Variants in FRMPD4 observed in about 807,000 individuals in gnomAD.
FRMPD4 encodes the protein FERM and PDZ domain containing 4.
A neutral mutation model predicts 94.1 loss-of-function variants in FRMPD4; 22 were observed. The observed-to-expected ratio is 0.23, with a 90% CI of 0.17 to 0.33. FRMPD4 has a LOEUF of 0.33. Ranked by LOEUF, FRMPD4 falls within the 10% of genes least tolerant of loss-of-function variation. The probability of loss-of-function intolerance (pLI) is 1.00; values close to 1 mark genes in which losing one functional copy is unlikely to be tolerated. For synonymous variants in FRMPD4, 631 were observed against 548.6 expected (o/e 1.15, Z -2.10); for missense variants, 1,111 against 1,339.9 (o/e 0.83, Z 2.67).
At chrX:12,685,732 C>T (rs1270346784) in intron 6 of FRMPD4, among the ~76,000 whole-genome samples, 1 of 112,159 alleles carries the variant, frequency 8.9e-6, no homozygotes, top group Non-Finnish European at 1.9e-5. Context: ...TAGGCAACAA[C>T]AGTACCTCAT....
At chrX:11,949,192 G>T (rs913172109) in intron 3 of FRMPD4, among the ~76,000 whole-genome samples, 1 of 111,938 alleles carries the variant, frequency 8.9e-6, no homozygotes, top group African/African-American at 3.2e-5. Context: ...TTAATGTGGC[G>T]AATGTAATGC....
At chrX:12,295,160 C>A (rs1289106191) in intron 1 of FRMPD4, among the ~76,000 whole-genome samples, 4 of 112,194 alleles carry the variant, frequency 3.6e-5, no homozygotes, top group Non-Finnish European at 1.9e-5. Context: ...TGAGACCTCT[C>A]AAGTCATCTG....
intron 1 of FRMPD4, among the ~76,000 whole-genome samples, chrX:12,241,628 A>C (rs926282970): frequency 1.8e-5 from 2 of 111,741 alleles, no homozygotes; most frequent in African/African-American, 6.5e-5. Context: ...GGCCTGGCAC[A>C]CTGGCTCACG....
intron 2 of FRMPD4, among the ~76,000 whole-genome samples, chrX:12,502,683 A>T (rs1157977842): frequency 8.9e-6 from 1 of 112,619 alleles, no homozygotes; most frequent in Non-Finnish European, 1.9e-5. Flanking sequence ...GTGGACATAC[A>T]TATAGATGAT....
chrX:11,876,381 G>A (rs1415478070), intron 2 of FRMPD4, among the ~76,000 whole-genome samples: 1 of 108,372 alleles, frequency 9.2e-6, no homozygotes, highest in African/African-American at 3.4e-5. Context: ...TGAATCTAAG[G>A]CTCTTTAGGA....
intron 2 of FRMPD4, among the ~76,000 whole-genome samples, chrX:12,583,859 G>T (rs1602165893): frequency 8.9e-6 from 1 of 111,851 alleles, no homozygotes; most frequent in African/African-American, 3.2e-5. Context: ...GGGAACAACC[G>T]GTGGGGCCTG....
At chrX:12,595,172 T>C (rs979750802) in intron 2 of FRMPD4, among the ~76,000 whole-genome samples, 2 of 111,339 alleles carry the variant, frequency 1.8e-5, no homozygotes, top group Non-Finnish European at 3.8e-5. Context: ...TTGAAGAGAA[T>C]TGAATGTCTT....
intron 3 of FRMPD4, among the ~76,000 whole-genome samples, chrX:11,910,983 C>G (rs2053994021): frequency 9.1e-6 from 1 of 110,028 alleles, no homozygotes; most frequent in Non-Finnish European, 1.9e-5. Context: ...GAGAGATTGT[C>G]TATTCTCCTT....
intron 3 of FRMPD4, among the ~76,000 whole-genome samples, chrX:12,057,574 C>T (rs1345760633): frequency 9.0e-6 from 1 of 111,324 alleles, no homozygotes; most frequent in Non-Finnish European, 1.9e-5. Context: ...TGTTTGTTTT[C>T]TATTCCTAGT....
chrX:12,626,142 C>T (rs148317552), intron 4 of FRMPD4, among the ~76,000 whole-genome samples: 35 of 110,101 alleles, frequency 3.2e-4, no homozygotes, highest in African/African-American at 8.9e-4. Flanking sequence ...GCCTGGTCAA[C>T]ATAGTGAGAC....
At chrX:12,644,308 A>G (rs1020393552) in intron 4 of FRMPD4, among the ~76,000 whole-genome samples, 3 of 103,872 alleles carry the variant, frequency 2.9e-5, no homozygotes, top group African/African-American at 9.9e-5. Flanking sequence ...TTAAAATAAA[A>G]AATATTTCAG....
At chrX:12,595,493 G>C (rs1206040235) in intron 2 of FRMPD4, among the ~76,000 whole-genome samples, 1 of 111,923 alleles carries the variant, frequency 8.9e-6, no homozygotes, top group Non-Finnish European at 1.9e-5. Context: ...TCTGCATCTA[G>C]TAAAGTGGAT....
At chrX:12,565,566 G>T (rs919185929) in intron 2 of FRMPD4, among the ~76,000 whole-genome samples, 5 of 111,772 alleles carry the variant, frequency 4.5e-5, no homozygotes. Context: ...TCAAATATCT[G>T]ACCAGTACTC....
At chrX:12,148,435 G>A (rs992395312) in intron 1 of FRMPD4, among the ~76,000 whole-genome samples, 3 of 112,547 alleles carry the variant, frequency 2.7e-5, no homozygotes, top group Non-Finnish European at 3.8e-5. Context: ...TGCGAAGGCT[G>A]AGAAAAGTGA....
chrX:11,973,568 TCA>T (rs2054351870), intron 3 of FRMPD4, among the ~76,000 whole-genome samples: 1 of 112,283 alleles, frequency 8.9e-6, no homozygotes, highest in East Asian at 2.8e-4. Flanking sequence ...CACTGCTCTC[TCA>T]GGAGCATATC....
chrX:11,886,405 A>C (rs1056811813), intron 3 of FRMPD4, among the ~76,000 whole-genome samples: 16 of 111,574 alleles, frequency 1.4e-4, no homozygotes, highest in Non-Finnish European at 2.6e-4. Context: ...GCACAAAGCC[A>C]GTGCTTTGAA....
chrX:12,499,606 G>A (rs2057894537), intron 2 of FRMPD4, among the ~76,000 whole-genome samples: 1 of 112,400 alleles, frequency 8.9e-6, no homozygotes, highest in South Asian at 3.7e-4. Context: ...CCTCATACAA[G>A]TGAAATTTAT....
chrX:12,346,630 C>T (rs917735578), intron 1 of FRMPD4, among the ~76,000 whole-genome samples: 1 of 111,510 alleles, frequency 9.0e-6, no homozygotes, highest in Non-Finnish European at 1.9e-5. Flanking sequence ...GCACCCCTTA[C>T]AAATAATTTG....
chrX:12,145,311 A>G (rs1216658931), intron 1 of FRMPD4, among the ~76,000 whole-genome samples: 1 of 112,579 alleles, frequency 8.9e-6, no homozygotes, highest in Non-Finnish European at 1.9e-5. Context: ...TTGATTCAAC[A>G]TTGGATAACA....
Sources: gnomAD v4.1 joint callset for allele counts (sites outside exome capture counted in the v4.1 genomes callset) on GRCh38, gnomAD v4.1.1 for gene constraint, MANE v1.5 for transcripts, NCBI Gene and HGNC (gene_info 2026-07-23, HGNC 2026-07-21) for gene names.